DLG2: variants seen among roughly 807,000 people sequenced by gnomAD.
DLG2 encodes disks large homolog 2.
Under a neutral mutation model 132.5 loss-of-function variants are expected in DLG2, and 45 were observed. The ratio of observed to expected loss-of-function variants is 0.34; its 90% CI spans 0.27 to 0.44. DLG2 has a LOEUF of 0.44. Ranked by LOEUF, DLG2 falls within the 20% of genes least tolerant of loss-of-function variation. The pLI is 1.00. For synonymous variants in DLG2, 424 were observed against 419.6 expected, an observed-to-expected ratio of 1.01 and a Z score of -0.13; for missense variants, 1,045 against 1,196.9, an observed-to-expected ratio of 0.87 and a Z score of 1.87.
At chr11:84,316,623 C>T (rs1335384599) in intron 7 of DLG2, among the ~76,000 whole-genome samples, 1 of 152,074 alleles carries the variant, frequency 6.6e-6, no homozygotes, top group African/African-American at 2.4e-5. Context: ...ATAAACTGAG[C>T]ACGGCATCCC....
chr11:85,071,193 C>T (rs2065816034), intron 6 of DLG2, among the ~76,000 whole-genome samples: 1 of 151,836 alleles, frequency 6.6e-6, no homozygotes, highest in Non-Finnish European at 1.5e-5. Context: ...AGTTTGCTAT[C>T]TTCATTTTTT....
At chr11:83,912,114 T>C (rs762241880) in intron 15 of DLG2, among the ~76,000 whole-genome samples, 1 of 151,460 alleles carries the variant, frequency 6.6e-6, no homozygotes, top group Non-Finnish European at 1.5e-5. Context: ...AATGCAGCTA[T>C]ATAGAAAAAA....
chr11:83,909,352 C>T (rs1053469923), intron 15 of DLG2, among the ~76,000 whole-genome samples: 1 of 152,152 alleles, frequency 6.6e-6, no homozygotes, highest in African/African-American at 2.4e-5. Flanking sequence ...TTCCATCCAG[C>T]TGCAAGGTTT....
At chr11:83,873,012 AT>A (rs138497191) in intron 16 of DLG2, among the ~76,000 whole-genome samples, 1 of 152,076 alleles carries the variant, frequency 6.6e-6, no homozygotes, top group Non-Finnish European at 1.5e-5. Flanking sequence ...GTTCTTCATT[AT>A]TTTTTTCACA....
At chr11:83,656,345 C>T (rs1203639562) in intron 18 of DLG2, among the ~76,000 whole-genome samples, 1 of 152,174 alleles carries the variant, frequency 6.6e-6, no homozygotes, top group Admixed American at 6.5e-5. Flanking sequence ...GCCTCAGGGC[C>T]TTTCCACCCA....
chr11:85,625,789 C>G (rs2081998812), intron 2 of DLG2, among the ~76,000 whole-genome samples: 2 of 152,192 alleles, frequency 1.3e-5, no homozygotes, highest in Non-Finnish European at 2.9e-5. Flanking sequence ...TACAGTTGAT[C>G]TCACCTTCCA....
chr11:83,524,390 C>T (rs1297387172), intron 21 of DLG2, among the ~76,000 whole-genome samples: 5 of 152,118 alleles, frequency 3.3e-5, no homozygotes, highest in Non-Finnish European at 5.9e-5. Flanking sequence ...TTAATAAGCA[C>T]CTCAGCTGAT....
intron 11 of DLG2, among the ~76,000 whole-genome samples, chr11:84,032,687 G>A (rs75500148): frequency 0.028 from 4,289 of 152,266 alleles, 161 homozygotes; most frequent in African/African-American, 0.09. Context: ...AAACAGCCTT[G>A]TATTGGAAGA....
intron 6 of DLG2, among the ~76,000 whole-genome samples, chr11:84,556,520 G>A (rs923074225): frequency 6.6e-6 from 1 of 152,106 alleles, no homozygotes; most frequent in East Asian, 1.9e-4. Context: ...TAGCTGATGA[G>A]CTAAAAATAA....
chr11:85,015,013 C>G (rs952630955), intron 6 of DLG2, among the ~76,000 whole-genome samples: 1 of 152,042 alleles, frequency 6.6e-6, no homozygotes, highest in East Asian at 1.9e-4. Flanking sequence ...ACTATTTATA[C>G]CTGTACTTGT....
At chr11:84,101,628 G>A (rs957594409) in intron 9 of DLG2, among the ~76,000 whole-genome samples, 2 of 152,108 alleles carry the variant, frequency 1.3e-5, no homozygotes, top group Admixed American at 6.6e-5. Context: ...TGGAGATAGT[G>A]TTTAGGGGAC....
intron 4 of DLG2, among the ~76,000 whole-genome samples, chr11:85,191,656 T>C (rs760159022): frequency 4.6e-5 from 7 of 152,220 alleles, no homozygotes; most frequent in Non-Finnish European, 1.0e-4. Flanking sequence ...TTCTTGCTTT[T>C]CTCCTTCAAA....
rs115090463 is a variant in DLG2 at position 83,492,328 on chromosome 11, T to C, written c.2194-8100A>G. 5.7e-3 allele frequency among the ~76,000 whole-genome samples: 865 copies of C among 152,170 alleles called. 12 individuals are homozygous for C. The highest frequency in any genetic ancestry group is 0.02 in the African/African-American group (815 of 41,544). On this transcript the variant is annotated intron_variant, in intron 21 of 27. Coordinates refer to ENST00000376104, the MANE Select transcript of DLG2 (RefSeq NM_001142699.3). ...ATTTTCATTGTCATCCTACCCCATA[T>C]AGCATTTGTCCTCAGTCTGTTTTGC...
chr11:85,359,454 C>A (rs1335005592), intron 3 of DLG2, among the ~76,000 whole-genome samples: 2 of 152,032 alleles, frequency 1.3e-5, no homozygotes, highest in African/African-American at 4.8e-5. Context: ...AAATCTATAC[C>A]CTTTCAATAT....
intron 4 of DLG2, among the ~76,000 whole-genome samples, chr11:85,193,860 A>C (rs182010898): frequency 1.3e-5 from 2 of 152,286 alleles, no homozygotes. Flanking sequence ...TTTGAAGCAC[A>C]ATACGGTTGT....
At chr11:85,497,911 C>T (rs182200322) in intron 3 of DLG2, among the ~76,000 whole-genome samples, 1,606 of 152,256 alleles carry the variant, frequency 0.011, 26 homozygotes, top group African/African-American at 0.037. Context: ...GTCTGCCTCA[C>T]AGGAGCTCCT....
At chr11:85,136,343 TG>T (rs1284133472) in intron 5 of DLG2, among the ~76,000 whole-genome samples, 1 of 152,248 alleles carries the variant, frequency 6.6e-6, no homozygotes, top group Non-Finnish European at 1.5e-5. Context: ...TAGACCCATT[TG>T]GGTTTTCCAC....
At chr11:84,263,248 T>TA (rs2097570393) in intron 7 of DLG2, among the ~76,000 whole-genome samples, 1 of 151,964 alleles carries the variant, frequency 6.6e-6, no homozygotes, top group Admixed American at 6.5e-5. Context: ...GGATGCTGTA[T>TA]AACTTTTCAT....
At chr11:83,848,616 C>T (rs12364251) in intron 16 of DLG2, among the ~76,000 whole-genome samples, 4,777 of 152,290 alleles carry the variant, frequency 0.031, 121 homozygotes, top group South Asian at 0.089. Flanking sequence ...ATGCCTCTCA[C>T]GTCATCTTAG....
Sources: gnomAD v4.1 joint callset for allele counts (sites outside exome capture counted in the v4.1 genomes callset) on GRCh38, gnomAD v4.1.1 for gene constraint, MANE v1.5 for transcripts, NCBI Gene and HGNC (gene_info 2026-07-23, HGNC 2026-07-21) for gene names.